HHLA2: variants seen among roughly 807,000 people sequenced by gnomAD.
The protein encoded by HHLA2 is HERV-H LTR-associating protein 2.
A neutral mutation model predicts 45.9 loss-of-function variants in HHLA2; 48 were observed. The observed-to-expected ratio is 1.05, with a 90% CI of 0.83 to 1.33. HHLA2 has a LOEUF of 1.33. HHLA2 is among the 40% of genes most tolerant of loss of function. The pLI, the probability that HHLA2 is intolerant of heterozygous loss-of-function variation, is 0.00. For missense variants in HHLA2, 462 were observed against 494.3 expected (o/e 0.93, Z 0.62); for synonymous variants, 161 against 173.9 (o/e 0.93, Z 0.59).
chr3:108,341,043 C>T (rs2081563333), intron 3 of HHLA2, among the ~76,000 whole-genome samples: 1 of 151,658 alleles, frequency 6.6e-6, no homozygotes, highest in African/African-American at 2.4e-5. Flanking sequence ...ACCTCCGCCT[C>T]CCAGGTTCAA....
At chr3:108,361,188 G>A (rs1285977031) in intron 7 of HHLA2, among the ~76,000 whole-genome samples, 1 of 152,146 alleles carries the variant, frequency 6.6e-6, no homozygotes, top group African/African-American at 2.4e-5. Context: ...AACACTATCA[G>A]CAGGTCCTCC....
intron 2 of HHLA2, among the ~76,000 whole-genome samples, chr3:108,312,533 C>T (rs372491893): frequency 6.6e-5 from 10 of 152,294 alleles, no homozygotes; most frequent in African/African-American, 2.4e-4. Flanking sequence ...TACCTTTGCC[C>T]AGAGATGCCT....
intron 3 of HHLA2, among the ~76,000 whole-genome samples, chr3:108,339,149 G>T (rs1290219858): frequency 6.6e-6 from 1 of 152,200 alleles, no homozygotes; most frequent in Non-Finnish European, 1.5e-5. Context: ...TCTAACAGTA[G>T]TTATGACTAT....
chr3:108,320,839 A>G (rs1208821013), intron 2 of HHLA2, among the ~76,000 whole-genome samples: 1 of 152,106 alleles, frequency 6.6e-6, no homozygotes, highest in Admixed American at 6.6e-5. Flanking sequence ...ATTTGCAAGG[A>G]CTGTAATGCA....
intron 3 of HHLA2, among the ~76,000 whole-genome samples, chr3:108,349,728 C>T (rs1202453109): frequency 6.6e-6 from 1 of 152,062 alleles, no homozygotes; most frequent in East Asian, 1.9e-4. Flanking sequence ...GAAGGAGAGA[C>T]AAAAAGAGTG....
chr3:108,341,862 G>C (rs2081576551), intron 3 of HHLA2, among the ~76,000 whole-genome samples: 1 of 152,126 alleles, frequency 6.6e-6, no homozygotes, highest in South Asian at 2.1e-4. Context: ...CCTTGTTACT[G>C]TGACTTCTTA....
intron 1 of HHLA2, among the ~76,000 whole-genome samples, chr3:108,298,686 C>A (rs985289042): frequency 2.0e-5 from 3 of 152,192 alleles, no homozygotes; most frequent in African/African-American, 4.8e-5. Context: ...ATAATAACTG[C>A]AGATTCAGAT....
chr3:108,372,999 T>C (rs903013310), intron 8 of HHLA2, among the ~76,000 whole-genome samples: 3 of 152,204 alleles, frequency 2.0e-5, no homozygotes, highest in Non-Finnish European at 4.4e-5. Context: ...ATCATCCTGA[T>C]AGCAAAGCCT....
chr3:108,368,534 G>GAAAAAAA (rs1560276081), intron 8 of HHLA2, among the ~76,000 whole-genome samples: 1 of 12,054 alleles, frequency 8.3e-5, no homozygotes, highest in East Asian at 7.8e-3. Flanking sequence ...CAAACGAAGA[G>GAAAAAAA]CAAAAAAAAA....
chr3:108,354,904 C>CT (rs1214230272), intron 5 of HHLA2, among the ~76,000 whole-genome samples: 2 of 152,126 alleles, frequency 1.3e-5, no homozygotes, highest in East Asian at 1.9e-4. Flanking sequence ...CATGCCTGCT[C>CT]TTTTTTTATT....
intron 7 of HHLA2, among the ~76,000 whole-genome samples, chr3:108,359,739 G>A (rs1164733401): frequency 6.6e-6 from 1 of 152,148 alleles, no homozygotes; most frequent in Non-Finnish European, 1.5e-5. Context: ...AAACCCTGTA[G>A]AAAGTCAACC....
At chr3:108,338,754 A>G (rs2081516194) in intron 3 of HHLA2, among the ~76,000 whole-genome samples, 1 of 152,130 alleles carries the variant, frequency 6.6e-6, no homozygotes. Flanking sequence ...TAGTTAGCCT[A>G]TCCTTAGATG....
Position 108,370,417 on chromosome 3 carries a change from C to T in HHLA2, c.1109-5333C>T, listed in dbSNP as rs563784486. ...AAACTGGAAACTCTAAAAATCAGAGCGCCTCTCCTCCTCCAAAGGAACGCA... is the reference window on the plus strand; with the variant it reads ...AAACTGGAAACTCTAAAAATCAGAGTGCCTCTCCTCCTCCAAAGGAACGCA... On this transcript the variant is annotated intron_variant, in intron 8 of 10. Coordinates refer to ENST00000619531, the Ensembl canonical transcript of HHLA2. 9.2e-5 allele frequency among the ~76,000 whole-genome samples: 14 copies of T among 152,214 alleles called. No individual in the cohort carries two copies. The East Asian group carries it at 1.2e-3, about 13-fold the overall frequency.
chr3:108,317,109 T>G (rs1212265376), intron 2 of HHLA2, among the ~76,000 whole-genome samples: 1 of 152,186 alleles, frequency 6.6e-6, no homozygotes, highest in Admixed American at 6.5e-5. Context: ...CACCAAAGCA[T>G]GTACCATGGT....
chr3:108,346,884 C>A (rs1224536348), intron 3 of HHLA2, among the ~76,000 whole-genome samples: 1 of 152,158 alleles, frequency 6.6e-6, no homozygotes, highest in Admixed American at 6.6e-5. Context: ...TCTGTTTTCG[C>A]TATTTTATGC....
chr3:108,377,898 C>T (rs540707366), exon 11 of HHLA2: 1 of 152,266 alleles, frequency 6.6e-6, no homozygotes, highest in African/African-American at 2.4e-5. Context: ...AGCATCGCAT[C>T]CCCTGTGATT....
exon 5 of HHLA2, chr3:108,353,749 G>A: frequency 6.2e-7 from 1 of 1,612,136 alleles, no homozygotes; most frequent in Non-Finnish European, 8.5e-7. Context: ...CAATTCAAGT[G>A]ATTACAAACA....
At chr3:108,297,357 A>G (rs2107267260) in intron 1 of HHLA2, among the ~76,000 whole-genome samples, 1 of 152,330 alleles carries the variant, frequency 6.6e-6, no homozygotes, top group South Asian at 2.1e-4. Flanking sequence ...AATTGGTGTC[A>G]TATCCCATTA....
intron 3 of HHLA2, chr3:108,328,418 A>G: frequency 1.0e-6 from 1 of 957,436 alleles, no homozygotes; most frequent in Non-Finnish European, 1.5e-6. Flanking sequence ...TTACTGCATG[A>G]CCAGGAAACA....
Sources: allele counts gnomAD v4.1 joint callset (sites outside exome capture counted in the v4.1 genomes callset), GRCh38; gene constraint gnomAD v4.1.1; transcripts MANE v1.5; gene names NCBI Gene and HGNC (gene_info 2026-07-23, HGNC 2026-07-21).